SKI: variants seen among roughly 807,000 people sequenced by gnomAD.
The protein encoded by SKI is ski oncogene.
Under a neutral mutation model 59.3 loss-of-function variants are expected in SKI, and 23 were observed. The observed-to-expected ratio is 0.39, with a 90% CI of 0.28 to 0.55. The LOEUF (loss-of-function observed/expected upper bound fraction) is 0.55, where lower values mean the gene tolerates loss of function less well. SKI is among the 20% of genes least tolerant of loss of function. The pLI, the probability that SKI is intolerant of heterozygous loss-of-function variation, is 0.67. For missense variants in SKI, 1,017 were observed against 1,038.9 expected (o/e 0.98, Z 0.29); for synonymous variants, 673 against 488.6 (o/e 1.38, Z -4.98).
At chr1:2,301,857 G>A (rs1291386138) in intron 1 of SKI, among the ~76,000 whole-genome samples, 2 of 152,262 alleles carry the variant, frequency 1.3e-5, no homozygotes, top group Non-Finnish European at 2.9e-5. Context: ...CCCTTGCCCT[G>A]TGTGGCCTGT....
chr1:2,288,236 C>T (rs1258775650), intron 1 of SKI, among the ~76,000 whole-genome samples: 3 of 152,196 alleles, frequency 2.0e-5, no homozygotes, highest in African/African-American at 4.8e-5. Flanking sequence ...ATCCACCCGC[C>T]TCAGCCTCCC....
chr1:2,297,722 C>T (rs1217741245), intron 1 of SKI, among the ~76,000 whole-genome samples: 2 of 152,272 alleles, frequency 1.3e-5, no homozygotes, highest in Non-Finnish European at 2.9e-5. Context: ...CTTCCCGGCC[C>T]TTGGCCGCAC....
Position 2,303,108 on chromosome 1 carries a change from T to C in SKI, c.1095+5T>C, listed in dbSNP as rs2100916508. Reference sequence around the variant, plus strand: ...TTGGCCGGCTCTTCCAATAAGGTGCTGTGGGGCCTGTCGGGGTCCTTGGGG... The same window carrying C: ...TTGGCCGGCTCTTCCAATAAGGTGCCGTGGGGCCTGTCGGGGTCCTTGGGG... On this transcript the variant is annotated splice_donor_5th_base_variant and intron_variant, in intron 2 of 6. Transcript: ENST00000378536. The surrounding 1 kb of genome is among the most constrained non-coding windows in gnomAD (Gnocchi z 5.6). The C allele has an allele frequency of 6.2e-7, 1 of 1,613,194 alleles. No homozygotes were observed.
chr1:2,296,935 C>T (rs1640301158), intron 1 of SKI, among the ~76,000 whole-genome samples: 1 of 152,136 alleles, frequency 6.6e-6, no homozygotes, highest in Non-Finnish European at 1.5e-5. Context: ...GTCTTTGCAG[C>T]CAGGGACATG....
In SKI at chr1:2,271,784, C is replaced by T. The variant is rs542575425; in HGVS notation, c.970-31194C>T. ...CTGAGCACTCATGCAGGCCTCCCCC[C>T]AACCTCACGTCCAGGTCTGTTGCCG... On this transcript the variant is annotated intron_variant, in intron 1 of 6. Coordinates refer to ENST00000378536, the MANE Select transcript of SKI (RefSeq NM_003036.4). 7.2e-4 allele frequency among the ~76,000 whole-genome samples: 109 copies of T among 152,244 alleles called. 2 individuals are homozygous for T. In the South Asian group the frequency reaches 0.021, roughly 30 times the overall value.
intron 1 of SKI, among the ~76,000 whole-genome samples, chr1:2,238,571 A>T (rs1355102740): frequency 6.6e-6 from 1 of 151,716 alleles, no homozygotes; most frequent in Non-Finnish European, 1.5e-5. Flanking sequence ...GAGTGAGGGG[A>T]CTCTTGCCTG....
chr1:2,306,119 A>G lies in SKI; in HGVS notation c.1867A>G (p.Asn623Asp), dbSNP rs1034972680. The G allele has an allele frequency of 6.3e-7, 1 of 1,598,844 alleles. No homozygotes were observed. The highest frequency in any genetic ancestry group is 1.7e-5 in the Admixed American group (1 of 57,362). ...GGAGATCGAGCGTCTCCGCGCCGAG[A>G]ACGAGAAGAAGATGAAAGAGGCCAA... ...RKEIERLRAE[N>D]EKKMKEANES... The change falls in exon 6 of 7, where the codon AAC becomes GAC. Residue 623 changes from asparagine to aspartate, a missense_variant. Transcript: ENST00000378536.
At chr1:2,265,425 C>T (rs757346598) in intron 1 of SKI, among the ~76,000 whole-genome samples, 1 of 152,104 alleles carries the variant, frequency 6.6e-6, no homozygotes. Flanking sequence ...TCCCATATAG[C>T]GGATGTTTCA....
Position 2,308,760 on chromosome 1 carries a change from T to C in SKI, c.*1995T>C, listed in dbSNP as rs538396245. On this transcript the variant is annotated 3_prime_UTR_variant, in exon 7 of 7. Coordinates refer to ENST00000378536, the MANE Select transcript of SKI (RefSeq NM_003036.4). The stretch of plus-strand genomic sequence containing the variant: ...TGCCCCATCCCCAGGGCCGCCAGGC[T>C]TGCTCCGTTTGCTTTGAGTTTTTAG... 21 of 152,356 alleles carry C rather than the reference T, an allele frequency of 1.4e-4. No individual in the cohort carries two copies. Among genetic ancestry groups the C allele is most frequent in the African/African-American group, 4.8e-4 (20 of 41,568 alleles). The allele number at this position is 152,356 out of a possible 1,614,324, so 9.4% of individuals were successfully genotyped here.
chr1:2,290,426 CCT>C (rs1012639781), intron 1 of SKI, among the ~76,000 whole-genome samples: 5 of 152,308 alleles, frequency 3.3e-5, no homozygotes, highest in African/African-American at 9.6e-5. Flanking sequence ...AGCCTGAGCA[CCT>C]CTCTGGCTGT....
At chr1:2,264,585 A>G (rs781017749) in intron 1 of SKI, among the ~76,000 whole-genome samples, 1 of 151,850 alleles carries the variant, frequency 6.6e-6, no homozygotes, top group Non-Finnish European at 1.5e-5. Flanking sequence ...ATTTTTTTGT[A>G]GAGATGGGAT....
rs2100924200 is a variant in SKI, at chr1:2,306,131, A to G, written c.1879A>G (p.Met627Val). ...TCTCCGCGCCGAGAACGAGAAGAAG[A>G]TGAAAGAGGCCAACGAGTCACGGCT... is the stretch of plus-strand genomic sequence containing the variant. ...ERLRAENEKK[M>V]KEANESRLRL... The change falls in exon 6 of 7, where the codon ATG becomes GTG. Residue 627 changes from methionine (M) to valine (V), a missense_variant. Coordinates refer to ENST00000378536, the MANE Select transcript of SKI (RefSeq NM_003036.4). 6.3e-7 allele frequency: 1 copy of G among 1,597,702 alleles called. No individual in the cohort carries two copies. Among genetic ancestry groups the G allele is most frequent in the Non-Finnish European group, 8.5e-7 (1 of 1,173,476 alleles).
At chr1:2,279,738 A>G (rs1183043243) in intron 1 of SKI, among the ~76,000 whole-genome samples, 1 of 152,156 alleles carries the variant, frequency 6.6e-6, no homozygotes, top group African/African-American at 2.4e-5. Context: ...TATTAGAGAC[A>G]GGGTCTCACT....
chr1:2,284,454 C>T (rs561033743), intron 1 of SKI, among the ~76,000 whole-genome samples: 13 of 152,306 alleles, frequency 8.5e-5, no homozygotes, highest in Non-Finnish European at 1.5e-4. Context: ...AATTGGGCAA[C>T]GGCAGCTCCG....
At chr1:2,251,189 C>G (rs930406835) in intron 1 of SKI, among the ~76,000 whole-genome samples, 2 of 152,168 alleles carry the variant, frequency 1.3e-5, no homozygotes, top group African/African-American at 4.8e-5. Flanking sequence ...GGACCGTGTT[C>G]GGAAAGAGTC....
In SKI at chr1:2,228,654, G is replaced by T. The variant is rs911968742; in HGVS notation, c.-113G>T. On this transcript the variant is annotated 5_prime_UTR_variant, in exon 1 of 7. Transcript: ENST00000378536. The stretch of plus-strand genomic sequence containing the variant: ...GTGATCGGCCGTGAGCCGGCGGCGG[G>T]GGGCGGCCGGGGTCGGGGCCGCGGG... 6 of 429,836 alleles carry T rather than the reference G, an allele frequency of 1.4e-5. No individual in the cohort carries two copies. The highest frequency in any genetic ancestry group is 1.8e-5 in the Non-Finnish European group (6 of 326,462). 26.6% of individuals were successfully genotyped at this position (429,836 alleles called of 1,614,324 possible).
intron 1 of SKI, among the ~76,000 whole-genome samples, chr1:2,244,176 A>G (rs911072144): frequency 9.2e-5 from 14 of 152,188 alleles, no homozygotes; most frequent in African/African-American, 3.4e-4. Flanking sequence ...CGTGTTAGCC[A>G]GGATGGTCTC....
At chr1:2,233,324 G>A (rs1459103440) in intron 1 of SKI, among the ~76,000 whole-genome samples, 2 of 152,008 alleles carry the variant, frequency 1.3e-5, no homozygotes, top group Non-Finnish European at 2.9e-5. Context: ...CGAGGGGGCC[G>A]GGCGTCCTGT....
intron 5 of SKI, among the ~76,000 whole-genome samples, chr1:2,305,761 C>T (rs575946142): frequency 2.6e-5 from 4 of 152,320 alleles, no homozygotes; most frequent in South Asian, 4.1e-4. Flanking sequence ...GAGGCCCCGC[C>T]GCAGCCTCAA....
Sources: allele counts gnomAD v4.1 joint callset (sites outside exome capture counted in the v4.1 genomes callset), GRCh38; gene constraint gnomAD v4.1.1; non-coding constraint Gnocchi (gnomAD v3.1); transcripts MANE v1.5; gene names NCBI Gene and HGNC (gene_info 2026-07-23, HGNC 2026-07-21).